Variants in MTIF3 observed in about 807,000 individuals in gnomAD.
The protein encoded by MTIF3 is translation initiation factor IF-3, mitochondrial.
A neutral mutation model predicts 20.7 loss-of-function variants in MTIF3; 13 were observed. The ratio of observed to expected loss-of-function variants is 0.63; its 90% CI spans 0.41 to 1.00. The LOEUF (loss-of-function observed/expected upper bound fraction) is 1.00, where lower values mean the gene tolerates loss of function less well. MTIF3 is among the 50% of genes least tolerant of loss of function. The pLI is 0.00. For missense variants in MTIF3, 295 were observed against 324.5 expected, an observed-to-expected ratio of 0.91 and a Z score of 0.70; for synonymous variants, 114 against 112.5, an observed-to-expected ratio of 1.01 and a Z score of -0.08.
At chr13:27,445,452 G>T (rs1174591097) in intron 1 of MTIF3, among the ~76,000 whole-genome samples, 1 of 151,112 alleles carries the variant, frequency 6.6e-6, no homozygotes, top group Non-Finnish European at 1.5e-5. Context: ...CTCCAGTCTG[G>T]ACAACAGAGC....
At chr13:27,438,377 CTG>C (rs2061217223) in intron 3 of MTIF3, among the ~76,000 whole-genome samples, 1 of 147,658 alleles carries the variant, frequency 6.8e-6, no homozygotes, top group Non-Finnish European at 1.5e-5. Flanking sequence ...GTGGTCCCAG[CTG>C]TGTGGGAGGC....
intron 2 of MTIF3, among the ~76,000 whole-genome samples, chr13:27,442,410 GC>G (rs139629649): frequency 0.02 from 3,105 of 152,160 alleles, 64 homozygotes; most frequent in South Asian, 0.11. Context: ...TGCTCTTCCT[GC>G]CTCTGCCCTC....
intron 4 of MTIF3, 76 bp downstream of exon 4, chr13:27,437,040 C>G: frequency 2.0e-6 from 3 of 1,493,938 alleles, no homozygotes; most frequent in Non-Finnish European, 9.1e-7. Flanking sequence ...CGTGAGCCAC[C>G]GCGCCTGGCC....
intron 2 of MTIF3, chr13:27,441,363 G>C (rs1366841194): frequency 6.6e-6 from 1 of 152,180 alleles, no homozygotes; most frequent in African/African-American, 2.4e-5. Context: ...ATGGTATATA[G>C]CAGATAGGAA....
chr13:27,443,678 A>T (rs1440660717), intron 2 of MTIF3, among the ~76,000 whole-genome samples: 4 of 152,214 alleles, frequency 2.6e-5, no homozygotes, highest in African/African-American at 9.6e-5. Context: ...GTTATGAATA[A>T]GAGCTAAAGT....
chr13:27,444,011 A>C (rs1003056178), intron 2 of MTIF3, among the ~76,000 whole-genome samples: 3 of 152,228 alleles, frequency 2.0e-5, no homozygotes, highest in Non-Finnish European at 4.4e-5. Context: ...ATAGAAAAAC[A>C]CTGGAAGTAG....
chr13:27,446,876 A>G (rs1432231255), intron 1 of MTIF3, among the ~76,000 whole-genome samples: 1 of 152,206 alleles, frequency 6.6e-6, no homozygotes, highest in Admixed American at 6.5e-5. Flanking sequence ...AAAAGTACAC[A>G]TTAGGTACAA....
intron 1 of MTIF3, 73 bp downstream of exon 1, chr13:27,450,436 G>A (rs1954331553): frequency 6.6e-6 from 1 of 152,410 alleles, no homozygotes; most frequent in South Asian, 2.1e-4. Context: ...TCCTCCACAG[G>A]GGCGCCCCCT....
intron 1 of MTIF3, among the ~76,000 whole-genome samples, chr13:27,448,029 C>G (rs1954236368): frequency 6.6e-6 from 1 of 151,562 alleles, no homozygotes; most frequent in Non-Finnish European, 1.5e-5. Context: ...CAAAGGACAG[C>G]TGTATTCCCT....
chr13:27,436,048 C>T (rs571927986), intron 4 of MTIF3, among the ~76,000 whole-genome samples, 155 bp from the exon 5 acceptor site: 10 of 152,272 alleles, frequency 6.6e-5, no homozygotes, highest in African/African-American at 2.4e-4. Flanking sequence ...GTTAAGTTGA[C>T]TGAAATCTGT....
chr13:27,437,326 C>T, intron 3 of MTIF3, 53 bp from the exon 4 acceptor site: 2 of 1,506,402 alleles, frequency 1.3e-6, no homozygotes, highest in Non-Finnish European at 1.8e-6. Context: ...ACTGTGAACC[C>T]TGAACTTCCC....
intron 1 of MTIF3, among the ~76,000 whole-genome samples, chr13:27,445,712 C>T (rs879152024): frequency 6.6e-6 from 1 of 152,156 alleles, no homozygotes; most frequent in Non-Finnish European, 1.5e-5. Flanking sequence ...GGAAGCTACC[C>T]AAAGTGCATG....
intron 4 of MTIF3, 62 bp downstream of exon 4, chr13:27,437,054 A>T: frequency 6.4e-7 from 1 of 1,563,286 alleles, no homozygotes; most frequent in Non-Finnish European, 8.7e-7. Context: ...CCTGGCCTAC[A>T]ATTGTATTTT....
intron 2 of MTIF3, chr13:27,440,900 GTTGA>G (rs547410823): frequency 8.0e-4 from 137 of 171,338 alleles, no homozygotes; most frequent in African/African-American, 3.1e-3. Flanking sequence ...AACATAAGCA[GTTGA>G]TTAACACATA....
At chr13:27,448,331 C>T (rs905620610) in intron 1 of MTIF3, among the ~76,000 whole-genome samples, 1 of 152,194 alleles carries the variant, frequency 6.6e-6, no homozygotes, top group Non-Finnish European at 1.5e-5. Flanking sequence ...TAGATTCTAG[C>T]GGACTAAATA....
rs1953799485 is a variant in MTIF3, at chr13:27,437,084, C to T, written c.618+32G>A. On this transcript the variant is annotated intron_variant, in intron 4 of 4. Coordinates refer to ENST00000381120, the MANE Select transcript of MTIF3 (RefSeq NM_152912.5). ...TATTTTTAGATCAGAAGACCCAAAG[C>T]ACAAGCAGTGGCTTGTACCTTCTTT... The T allele has an allele frequency of 4.4e-6, 7 of 1,602,526 alleles. No homozygotes were observed. In the East Asian group the frequency reaches 6.7e-5, roughly 15 times the overall value.
intron 1 of MTIF3, among the ~76,000 whole-genome samples, chr13:27,447,249 A>G (rs1004216192): frequency 1.1e-4 from 17 of 152,028 alleles, no homozygotes; most frequent in African/African-American, 1.4e-4. Flanking sequence ...AGAAAACACT[A>G]TAAGTGGGGT....
At position 27,445,150 on chromosome 13, in the gene MTIF3, A is replaced by C. The variant is rs1034886065; in HGVS notation, c.-64T>G. 2 of 152,220 alleles carry C rather than the reference A, an allele frequency of 1.3e-5. No homozygotes were observed. The highest frequency in any genetic ancestry group is 4.8e-5 in the African/African-American group (2 of 41,458). The allele number at this position is 152,220 out of a possible 1,614,324, so 9.4% of individuals were successfully genotyped here. ...AGGAGAAGCTCTTCTGTAGAGAAGA[A>C]TGACAGCTAATAAACACAAAAGAAA... On this transcript the variant is annotated 5_prime_UTR_variant, in exon 2 of 5. Transcript: ENST00000381120.
At chr13:27,437,010 C>T (rs111226673) in intron 4 of MTIF3, 106 bp downstream of exon 4, 1 of 1,230,370 alleles carries the variant, frequency 8.1e-7, no homozygotes, top group South Asian at 1.5e-5. Context: ...CTTGGCCTCC[C>T]AAAATGCTGG....
Sources: gnomAD v4.1 joint callset for allele counts (sites outside exome capture counted in the v4.1 genomes callset) on GRCh38, gnomAD v4.1.1 for gene constraint, MANE v1.5 for transcripts, NCBI Gene and HGNC (gene_info 2026-07-23, HGNC 2026-07-21) for gene names.